The following SPG7 variants were observed in gnomAD, a reference collection of about 807,000 sequenced individuals.
SPG7 encodes mitochondrial inner membrane m-AAA protease component paraplegin.
Under a neutral mutation model 81.9 loss-of-function variants are expected in SPG7, and 103 were observed. The ratio of observed to expected loss-of-function variants is 1.26; its 90% CI spans 1.07 to 1.48. The LOEUF is 1.48. Ranked by LOEUF, SPG7 falls within the 40% of genes most tolerant of loss-of-function variation. SPG7 has a pLI of 0.00. For missense variants in SPG7, 1,241 were observed against 1,087.3 expected (o/e 1.14, Z -1.99); for synonymous variants, 534 against 444.2 (o/e 1.20, Z -2.54).
intron 7 of SPG7, 36 bp from the exon 8 acceptor site, chr16:89,531,868 C>T (rs1178755066): frequency 1.2e-6 from 2 of 1,612,634 alleles, no homozygotes; most frequent in Admixed American, 3.3e-5. Context: ...ACGGAATCCC[C>T]AAGTAGTTAG....
intron 6 of SPG7, 134 bp from the exon 7 acceptor site, chr16:89,530,549 C>A: frequency 1.0e-6 from 1 of 959,258 alleles, no homozygotes. Flanking sequence ...GTCAGCCTGA[C>A]ATGAGTGAAG....
Position 89,508,543 on chromosome 16 carries a change from G to T in SPG7, c.126G>T (p.Pro42=). The T allele has an allele frequency of 1.3e-6, 2 of 1,510,806 alleles. No individual in the cohort carries two copies. The highest frequency in any genetic ancestry group is 1.8e-6 in the Non-Finnish European group (2 of 1,135,068). The allele number at this position is 1,510,806 out of a possible 1,614,324, so 93.6% of individuals were successfully genotyped here. ...CCGCCAGGCCCGGGAGGGGGCGGCC[G>T]TACATGGCCAGCAGGCCTCCGGGGG... ...GFPARPGRGR[P]YMASRPPGDL... is the part of the protein sequence containing the mutation. The change falls in exon 1 of 17, where the codon CCG becomes CCT. Residue 42 remains proline (P), a synonymous_variant. Coordinates refer to ENST00000645818, the MANE Select transcript of SPG7 (RefSeq NM_003119.4).
rs547555912 is a variant in SPG7, at chr16:89,525,701, T to C, written c.619-628T>C. 9.2e-5 allele frequency among the ~76,000 whole-genome samples: 14 copies of C among 152,308 alleles called. No individual in the cohort carries two copies. In the East Asian group the frequency reaches 2.1e-3, roughly 23 times the overall value. Reference sequence around the variant, plus strand: ...GAATCGTGTGCCAGGGAGACGGACCTGTTGGTGTCCTGGTGTGAGGGATGA... The same window carrying C: ...GAATCGTGTGCCAGGGAGACGGACCCGTTGGTGTCCTGGTGTGAGGGATGA... On this transcript the variant is annotated intron_variant, in intron 4 of 16. Coordinates refer to ENST00000645818, the MANE Select transcript of SPG7 (RefSeq NM_003119.4).
chr16:89,526,456 G>T lies in SPG7; in HGVS notation c.746G>T (p.Gly249Val). Residue 249 changes from glycine (G) to valine (V), a missense_variant, in exon 5 of 17, where the codon GGA (glycine) becomes GTA (valine). By Grantham distance (109) the Gly-to-Val change is moderately radical (BLOSUM62 -3). Coordinates refer to ENST00000645818, the MANE Select transcript of SPG7 (RefSeq NM_003119.4). ...ATCCCAGTTTCCTACAAGCGAACAG[G>T]ATTCTTTGGAAAGTATGTTGGATGT... ...DRIPVSYKRT[G>V]FFGNALYSVG... 6.2e-7 allele frequency: 1 copy of T among 1,614,174 alleles called. No homozygotes were observed. The highest frequency in any genetic ancestry group is 8.5e-7 in the Non-Finnish European group (1 of 1,180,020).
chr16:89,556,214 C>G lies in SPG7; in HGVS notation c.2182-673C>G, dbSNP rs1387609603. On this transcript the variant is annotated intron_variant, in intron 16 of 16. Coordinates refer to ENST00000645818, the MANE Select transcript of SPG7 (RefSeq NM_003119.4). ...AGCCCTAGAGAGGAAGTGTTTGTCT[C>G]TTGCAATACAGCCACAGGTAAATCA... The G allele has an allele frequency of 1.0e-5, 4 of 399,214 alleles. No individual in the cohort carries two copies. The Middle Eastern group carries it at 1.9e-3, about 186-fold the overall frequency. The allele number at this position is 399,214 out of a possible 1,614,324, so 24.7% of individuals were successfully genotyped here. A position where few individuals can be genotyped will look rare whatever the true frequency, so the allele number is the denominator to read the frequency against.
chr16:89,511,935 G>C (rs148418863), intron 2 of SPG7, among the ~76,000 whole-genome samples: 1 of 151,770 alleles, frequency 6.6e-6, no homozygotes, highest in Non-Finnish European at 1.5e-5. Context: ...TTTTTGAGAC[G>C]GAGTCTTGCT....
intron 9 of SPG7, chr16:89,544,124 G>A (rs1597653267): frequency 4.9e-6 from 1 of 202,898 alleles, no homozygotes; most frequent in East Asian, 1.2e-4. Flanking sequence ...TCACATCAAG[G>A]GCCAGTCAAG....
intron 3 of SPG7, chr16:89,520,921 C>A (rs1019187571): frequency 1.3e-5 from 2 of 152,216 alleles, no homozygotes; most frequent in African/African-American, 4.8e-5. Flanking sequence ...TAAATACTGT[C>A]TATGGCGCTT....
chr16:89,547,495 C>T lies in SPG7; in HGVS notation c.1553-508C>T, dbSNP rs540479687. 5 of 189,590 alleles carry T rather than the reference C, an allele frequency of 2.6e-5. No individual in the cohort carries two copies. In the East Asian group the frequency reaches 5.8e-4, roughly 22 times the overall value. The allele number at this position is 189,590 out of a possible 1,614,324, so 11.7% of individuals were successfully genotyped here. ...TCCCCACCCCTGCTCCTGGCGCCGG[C>T]GCCTGCCGCTCTCCCCAGCTCTGCT... On this transcript the variant is annotated intron_variant, in intron 11 of 16. Coordinates refer to ENST00000645818, the MANE Select transcript of SPG7 (RefSeq NM_003119.4).
At chr16:89,531,499 G>A (rs1037153805) in intron 7 of SPG7, 4 of 258,716 alleles carry the variant, frequency 1.5e-5, no homozygotes, top group African/African-American at 6.8e-5. Context: ...TCAGCCTCCC[G>A]AGTAGCAGGG....
rs1451685369 is a variant in SPG7, at chr16:89,557,507, C to T, written c.*414C>T. Reference sequence around the variant, plus strand: ...GGCTCCCTCGGAATGCTAAGGGGATCGGACATGAAAGGACCCTGTGAGCCG... The same window carrying T: ...GGCTCCCTCGGAATGCTAAGGGGATTGGACATGAAAGGACCCTGTGAGCCG... On this transcript the variant is annotated 3_prime_UTR_variant, in exon 17 of 17. Transcript: ENST00000645818. 7 of 255,264 alleles carry T rather than the reference C, an allele frequency of 2.7e-5. No individual in the cohort carries two copies. The highest frequency in any genetic ancestry group is 4.7e-5 in the Non-Finnish European group (6 of 128,448). The allele number at this position is 255,264 out of a possible 1,614,324, so 15.8% of individuals were successfully genotyped here.
intron 9 of SPG7, among the ~76,000 whole-genome samples, chr16:89,535,084 A>G (rs11644193): frequency 0.13 from 19,886 of 152,200 alleles, 1,655 homozygotes; most frequent in Middle Eastern, 0.2. Flanking sequence ...ACATTCAGGA[A>G]TGTCATCTCT....
intron 6 of SPG7, 63 bp downstream of exon 6, chr16:89,529,642 C>A: frequency 1.6e-6 from 2 of 1,249,530 alleles, no homozygotes; most frequent in East Asian, 2.4e-5. Flanking sequence ...AATACTTTTC[C>A]CATAAGCTAT....
At chr16:89,552,942 C>T (rs1430137495) in intron 13 of SPG7, 37 bp from the exon 14 acceptor site, 17 of 1,611,196 alleles carry the variant, frequency 1.1e-5, no homozygotes, top group African/African-American at 1.3e-5. Flanking sequence ...CCCACGCATC[C>T]TGCCTACTGA....
intron 10 of SPG7, chr16:89,545,078 G>A: frequency 4.7e-6 from 2 of 428,066 alleles, no homozygotes; most frequent in Non-Finnish European, 8.8e-6. Flanking sequence ...TTTATCCTGG[G>A]TATCAGTCTG....
At chr16:89,539,912 A>G (rs2058473819) in intron 9 of SPG7, 1 of 152,202 alleles carries the variant, frequency 6.6e-6, no homozygotes, top group East Asian at 1.9e-4. Flanking sequence ...TATTTAATCC[A>G]TGATCTTATT....
chr16:89,524,554 C>G (rs553339687), intron 4 of SPG7, among the ~76,000 whole-genome samples: 102 of 152,342 alleles, frequency 6.7e-4, no homozygotes, highest in African/African-American at 2.3e-3. Context: ...AGGGATTCTC[C>G]TGGCTCAGCC....
chr16:89,553,285 G>A (rs2058655321), intron 14 of SPG7, 150 bp downstream of exon 14: 1 of 888,498 alleles, frequency 1.1e-6, no homozygotes, highest in Non-Finnish European at 1.8e-6. Flanking sequence ...GTGGTCATAA[G>A]AGAGTTGGAG....
chr16:89,546,352 C>T (rs1441670511), intron 10 of SPG7: 8 of 370,632 alleles, frequency 2.2e-5, no homozygotes, highest in East Asian at 1.3e-4. Context: ...CCACCGGGCC[C>T]GGCCATCCAA....
Sources: allele counts gnomAD v4.1 joint callset (sites outside exome capture counted in the v4.1 genomes callset), GRCh38; gene constraint gnomAD v4.1.1; transcripts MANE v1.5; gene names NCBI Gene and HGNC (gene_info 2026-07-23, HGNC 2026-07-21).